The following ZMIZ1 variants were observed in gnomAD, a reference collection of about 807,000 sequenced individuals.
ZMIZ1 encodes zinc finger MIZ domain-containing protein 1.
A neutral mutation model predicts 113.9 loss-of-function variants in ZMIZ1; 17 were observed. That is an observed-to-expected ratio of 0.15 (90% CI 0.10 to 0.22). ZMIZ1 has a LOEUF of 0.22. Ranked by LOEUF, ZMIZ1 falls within the 10% of genes least tolerant of loss-of-function variation. The probability of loss-of-function intolerance (pLI) is 1.00; values close to 1 mark genes in which losing one functional copy is unlikely to be tolerated. For missense variants in ZMIZ1, 1,059 were observed against 1,477.8 expected, an observed-to-expected ratio of 0.72 and a Z score of 4.65; for synonymous variants, 607 against 603.1, an observed-to-expected ratio of 1.01 and a Z score of -0.09.
intron 2 of ZMIZ1, among the ~76,000 whole-genome samples, chr10:79,134,039 A>G (rs1844886575): frequency 6.6e-6 from 1 of 152,170 alleles, no homozygotes; most frequent in African/African-American, 2.4e-5. Flanking sequence ...CGGATTTTAT[A>G]GCTGTCACAC....
chr10:79,281,433 G>A (rs1852734385), intron 8 of ZMIZ1, among the ~76,000 whole-genome samples: 1 of 152,196 alleles, frequency 6.6e-6, no homozygotes, highest in African/African-American at 2.4e-5. Context: ...GCTGGGAGGG[G>A]TAGTTGCATT....
chr10:79,167,344 A>G (rs576811298), intron 4 of ZMIZ1, among the ~76,000 whole-genome samples: 25 of 152,256 alleles, frequency 1.6e-4, no homozygotes, highest in African/African-American at 5.8e-4. Context: ...TGCAGTCTCC[A>G]CTGTTAGCTG....
chr10:79,223,586 A>T lies in ZMIZ1; in HGVS notation c.280+7312A>T, dbSNP rs572547734. Among the ~76,000 whole-genome samples the T allele has an allele frequency of 2.0e-4, 31 of 152,290 alleles. No individual in the cohort carries two copies. The South Asian group carries it at 6.4e-3, about 32-fold the overall frequency. ...TCTGTTTAGTGGACGAAACCTGTTCACGCGCTCACCTCCCTCTGTTTCAGT... is the reference window on the plus strand; with the variant it reads ...TCTGTTTAGTGGACGAAACCTGTTCTCGCGCTCACCTCCCTCTGTTTCAGT... On this transcript the variant is annotated intron_variant, in intron 7 of 24. Transcript: ENST00000334512.
chr10:79,172,021 A>G (rs1228561129), intron 4 of ZMIZ1, among the ~76,000 whole-genome samples: 4 of 152,294 alleles, frequency 2.6e-5, no homozygotes, highest in Non-Finnish European at 5.9e-5. Flanking sequence ...AGGGTACATC[A>G]CATACACTCA....
At chr10:79,180,579 G>A (rs548292322) in intron 4 of ZMIZ1, among the ~76,000 whole-genome samples, 1 of 152,308 alleles carries the variant, frequency 6.6e-6, no homozygotes, top group Admixed American at 6.5e-5. Flanking sequence ...GAAGTGGGCT[G>A]CACCCCTTCC....
intron 7 of ZMIZ1, among the ~76,000 whole-genome samples, chr10:79,243,486 G>T (rs1849984795): frequency 6.8e-6 from 1 of 148,028 alleles, no homozygotes; most frequent in Non-Finnish European, 1.5e-5. Flanking sequence ...GCAGCAGCGA[G>T]CGGGAGCGCG....
chr10:79,259,423 T>C (rs979652190), intron 7 of ZMIZ1, among the ~76,000 whole-genome samples: 24 of 152,182 alleles, frequency 1.6e-4, no homozygotes, highest in African/African-American at 5.6e-4. Context: ...CAGGGCTTCA[T>C]CGTGCACCGT....
intron 1 of ZMIZ1, among the ~76,000 whole-genome samples, chr10:79,117,379 T>C (rs905378291): frequency 3.5e-5 from 5 of 142,934 alleles, no homozygotes; most frequent in African/African-American, 1.5e-4. Flanking sequence ...ATGGATCTCA[T>C]AAGTGTATTC....
At chr10:79,133,542 G>T (rs756456511) in intron 2 of ZMIZ1, among the ~76,000 whole-genome samples, 18 of 152,190 alleles carry the variant, frequency 1.2e-4, no homozygotes, top group Non-Finnish European at 2.4e-4. Context: ...AAAAACAGCT[G>T]CTCCCAGCCC....
At chr10:79,290,919 CGGG>C (rs766095637) in intron 9 of ZMIZ1, 37 bp from the exon 10 acceptor site, 2 of 1,603,608 alleles carry the variant, frequency 1.2e-6, no homozygotes, top group South Asian at 2.2e-5. Flanking sequence ...CACACTGCCT[CGGG>C]TAGCACCTTA....
In ZMIZ1 at chr10:79,313,569, C is replaced by A; in HGVS notation, c.*820C>A. On this transcript the variant is annotated 3_prime_UTR_variant, in exon 25 of 25. Transcript: ENST00000334512. ...ACAGAGAGAGCAGGTGTACACCCAACCAAAGTGATTGTGCCCTTGGTTGGG... is the reference window on the plus strand; with the variant it reads ...ACAGAGAGAGCAGGTGTACACCCAAACAAAGTGATTGTGCCCTTGGTTGGG... 4.9e-6 allele frequency: 1 copy of A among 204,110 alleles called. No individual in the cohort carries two copies. The highest frequency in any genetic ancestry group is 1.0e-5 in the Non-Finnish European group (1 of 100,400). 12.6% of individuals were successfully genotyped at this position (204,110 alleles called of 1,614,324 possible).
intron 7 of ZMIZ1, among the ~76,000 whole-genome samples, chr10:79,261,642 A>T (rs1033570073): frequency 3.3e-5 from 5 of 152,208 alleles, no homozygotes; most frequent in Admixed American, 3.3e-4. Flanking sequence ...TCCAAGGCAG[A>T]GGGCTGAGGG....
chr10:79,274,131 T>C (rs1250543), intron 7 of ZMIZ1, among the ~76,000 whole-genome samples: 147,531 of 152,392 alleles, frequency 0.97, 71,449 homozygotes, highest in East Asian at 1. Context: ...TGTTGGTTGC[T>C]TAGGCAGTAG....
intron 7 of ZMIZ1, among the ~76,000 whole-genome samples, chr10:79,257,110 G>A (rs1850962022): frequency 6.6e-6 from 1 of 152,192 alleles, no homozygotes; most frequent in Admixed American, 6.5e-5. Flanking sequence ...GCAAGCCCGA[G>A]TGAGCACATG....
At chr10:79,301,992 G>T in intron 17 of ZMIZ1, 115 bp from the exon 18 acceptor site, 1 of 983,468 alleles carries the variant, frequency 1.0e-6, no homozygotes. Flanking sequence ...CACCCTGGGG[G>T]AGCCTCCTGG....
chr10:79,079,030 A>T lies in ZMIZ1; in HGVS notation c.-337+9760A>T, dbSNP rs965588426. The stretch of plus-strand genomic sequence containing the variant: ...GAGGAGAGGAGGGGACAGTGTCTGC[A>T]GAGGCAGAAGTCTTCCCCTCAGCCT... On this transcript the variant is annotated intron_variant, in intron 1 of 24. Coordinates refer to ENST00000334512, the MANE Select transcript of ZMIZ1 (RefSeq NM_020338.4). Among the ~76,000 whole-genome samples, 16 of 152,272 alleles carry T rather than the reference A, an allele frequency of 1.1e-4. 1 individual carries two copies. Among genetic ancestry groups the T allele is most frequent in the Admixed American group, 8.5e-4 (13 of 15,290 alleles).
At chr10:79,293,961 G>C in intron 12 of ZMIZ1, 1 of 494,190 alleles carries the variant, frequency 2.0e-6, no homozygotes, top group Non-Finnish European at 3.7e-6. Context: ...TCTTACTGTA[G>C]TGACTCTTGT....
intron 4 of ZMIZ1, among the ~76,000 whole-genome samples, chr10:79,168,011 G>C (rs1222578198): frequency 6.6e-6 from 1 of 152,140 alleles, no homozygotes; most frequent in African/African-American, 2.4e-5. Context: ...TGCTGGCCTA[G>C]AGAGTTCTCC....
chr10:79,126,366 G>C (rs1844512681), intron 2 of ZMIZ1, among the ~76,000 whole-genome samples: 4 of 152,198 alleles, frequency 2.6e-5, no homozygotes, highest in Non-Finnish European at 5.9e-5. Flanking sequence ...CCATCTGGGA[G>C]GCTGCTGACC....
Sources: allele counts gnomAD v4.1 joint callset (sites outside exome capture counted in the v4.1 genomes callset), GRCh38; gene constraint gnomAD v4.1.1; transcripts MANE v1.5; gene names NCBI Gene and HGNC (gene_info 2026-07-23, HGNC 2026-07-21).